The following SYNE1 variants were observed in gnomAD, a reference collection of about 807,000 sequenced individuals.
SYNE1 encodes the protein nesprin-1.
A neutral mutation model predicts 1,111.0 loss-of-function variants in SYNE1; 616 were observed. That is an observed-to-expected ratio of 0.55 (90% CI 0.52 to 0.59). The LOEUF is 0.59. SYNE1 is among the 20% of genes least tolerant of loss of function. SYNE1 has a pLI of 0.00. For missense variants in SYNE1, 10,006 were observed against 10,417.0 expected (o/e 0.96, Z 1.72); for synonymous variants, 3,855 against 3,825.8 (o/e 1.01, Z -0.28).
chr6:152,499,481 C>T (rs2154320464), intron 10 of SYNE1, among the ~76,000 whole-genome samples: 1 of 151,890 alleles, frequency 6.6e-6, no homozygotes, highest in Non-Finnish European at 1.5e-5. Flanking sequence ...CAAATACACA[C>T]AAAAATGAAA....
intron 127 of SYNE1, among the ~76,000 whole-genome samples, chr6:152,201,225 T>C (rs2075342983): frequency 6.6e-6 from 1 of 152,192 alleles, no homozygotes; most frequent in Admixed American, 6.5e-5. Flanking sequence ...AGCCACTGAA[T>C]TGTGTTGGTC....
intron 131 of SYNE1, among the ~76,000 whole-genome samples, chr6:152,157,448 A>T (rs1221714839): frequency 6.6e-6 from 1 of 152,192 alleles, no homozygotes; most frequent in Non-Finnish European, 1.5e-5. Context: ...CAATGAAGTG[A>T]GGTGTCAATA....
chr6:152,353,664 G>T lies in SYNE1; in HGVS notation c.11007C>A (p.Ser3669Arg), dbSNP rs761457824. The T allele has an allele frequency of 4.3e-6, 7 of 1,614,030 alleles. No homozygotes were observed. The African/African-American group carries it at 8.0e-5, about 18-fold the overall frequency. ...GGCAACCCATTCTGCTGTTCACGTG[G>T]CTCTCGTCCAGTATCTCCTGAGCTC... ...GARAQEILDE[S>R]HVNSRMGCQA... The change falls in exon 68 of 146, where the codon AGC becomes AGA. Residue 3669 changes from serine (S) to arginine (R), a missense_variant. Coordinates refer to ENST00000367255, the MANE Select transcript of SYNE1 (RefSeq NM_182961.4).
intron 74 of SYNE1, 77 bp downstream of exon 74, chr6:152,344,001 ACAT>A: frequency 6.3e-7 from 1 of 1,590,280 alleles, no homozygotes; most frequent in East Asian, 2.2e-5. Context: ...ACAGTTTGGC[ACAT>A]CATAGGTACT....
At chr6:152,478,882 C>G (rs1206287578) in intron 14 of SYNE1, among the ~76,000 whole-genome samples, 5 of 152,082 alleles carry the variant, frequency 3.3e-5, no homozygotes, top group Non-Finnish European at 5.9e-5. Flanking sequence ...CTGGCTTTCA[C>G]CGGCATTGTG....
intron 3 of SYNE1, among the ~76,000 whole-genome samples, chr6:152,559,646 A>G (rs534540705): frequency 6.6e-6 from 1 of 152,324 alleles, no homozygotes; most frequent in Non-Finnish European, 1.5e-5. Flanking sequence ...TTCTAAGAGG[A>G]TGGTTTATAG....
intron 128 of SYNE1, among the ~76,000 whole-genome samples, chr6:152,180,575 T>G: frequency 6.9e-6 from 1 of 144,140 alleles, no homozygotes; most frequent in African/African-American, 2.6e-5. Context: ...CCAGTGAATG[T>G]AAAAAAGAAA....
At chr6:152,627,741 C>T (rs556469884) in intron 3 of SYNE1, among the ~76,000 whole-genome samples, 31 of 152,238 alleles carry the variant, frequency 2.0e-4, no homozygotes, top group African/African-American at 7.0e-4. Context: ...CTAGTCTGTA[C>T]CCTGCCACGA....
At chr6:152,376,615 T>C in intron 57 of SYNE1, 57 bp from the exon 58 acceptor site, 1 of 1,599,708 alleles carries the variant, frequency 6.3e-7, no homozygotes, top group Non-Finnish European at 8.5e-7. Flanking sequence ...TTGATGAAAA[T>C]CATGTTTGAT....
At chr6:152,484,323 T>A (rs760388757) in intron 13 of SYNE1, among the ~76,000 whole-genome samples, 3 of 152,170 alleles carry the variant, frequency 2.0e-5, no homozygotes, top group South Asian at 2.1e-4. Context: ...GCATGAAGAA[T>A]ATGAATATGA....
chr6:152,317,682 A>C (rs1315293697), intron 86 of SYNE1, among the ~76,000 whole-genome samples: 1 of 152,224 alleles, frequency 6.6e-6, no homozygotes, highest in Non-Finnish European at 1.5e-5. Flanking sequence ...AACAATTATT[A>C]CAGACGTGCA....
intron 10 of SYNE1, among the ~76,000 whole-genome samples, chr6:152,501,591 T>G (rs1308270384): frequency 6.6e-6 from 1 of 151,984 alleles, no homozygotes; most frequent in Admixed American, 6.6e-5. Context: ...AAACAATAGC[T>G]GGGCATGGTG....
In SYNE1 at chr6:152,323,378, G is replaced by C. The variant is rs1028673396; in HGVS notation, c.15917+100C>G. 13 of 1,541,444 alleles carry C rather than the reference G, an allele frequency of 8.4e-6. No homozygotes were observed. The African/African-American group carries it at 1.8e-4, about 21-fold the overall frequency. On this transcript the variant is annotated intron_variant, in intron 82 of 145. Coordinates refer to ENST00000367255, the MANE Select transcript of SYNE1 (RefSeq NM_182961.4). ...GGCGTGAACCCGGGAGGCGGAGCTT[G>C]CAGTGAGCCGAGATCACACATTTGC...
At chr6:152,467,886 T>C (rs761532408) in intron 16 of SYNE1, among the ~76,000 whole-genome samples, 1 of 152,160 alleles carries the variant, frequency 6.6e-6, no homozygotes, top group Non-Finnish European at 1.5e-5. Context: ...ATGGATTATT[T>C]TATCTATTGA....
intron 44 of SYNE1, among the ~76,000 whole-genome samples, chr6:152,408,740 G>T (rs2097948622): frequency 6.6e-6 from 1 of 152,156 alleles, no homozygotes. Flanking sequence ...GATCTCCTGA[G>T]ATCAGGAGTT....
chr6:152,427,659 T>C, intron 38 of SYNE1, 34 bp downstream of exon 38: 1 of 1,613,424 alleles, frequency 6.2e-7, no homozygotes, highest in South Asian at 1.1e-5. Context: ...AAAAGCATTT[T>C]ATTTTTTCCT....
chr6:152,352,860 T>C (rs184711811), intron 69 of SYNE1, among the ~76,000 whole-genome samples: 1 of 152,342 alleles, frequency 6.6e-6, no homozygotes, highest in East Asian at 1.9e-4. Flanking sequence ...AAAGTCTTGA[T>C]CAATATATCA....
chr6:152,396,881 T>C lies in SYNE1; in HGVS notation c.7450A>G (p.Ser2484Gly). 1 of 1,614,242 alleles carries C rather than the reference T, an allele frequency of 6.2e-7. No homozygotes were observed. The highest frequency in any genetic ancestry group is 8.5e-7 in the Non-Finnish European group (1 of 1,180,032). The change falls in exon 50 of 146, where the codon AGC becomes GGC. Residue 2484 changes from serine to glycine, a missense_variant. Around this residue, in one of 7 missense-constraint regions of SYNE1, gnomAD observed 4,955 missense variants for 5,017.2 expected, o/e 0.99. Transcript: ENST00000367255. ...GCCTTTGTGATTTGTTCTTGAATGC[T>C]ACTGACAATTTGTTTAGACAAATGT... ...YAHLSKQIVS[S>G]IQEQITKANE...
Position 152,321,230 on chromosome 6 carries a change from A to T in SYNE1, c.16236+8T>A, listed in dbSNP as rs2095863239. 6.2e-7 allele frequency: 1 copy of T among 1,613,428 alleles called. No individual in the cohort carries two copies. Among genetic ancestry groups the T allele is most frequent in the Non-Finnish European group, 8.5e-7 (1 of 1,179,772 alleles). On this transcript the variant is annotated splice_region_variant and intron_variant, in intron 84 of 145. Transcript: ENST00000367255. Reference sequence around the variant, plus strand: ...TGGAAAGACACTCTTTCTTGATCATAGGTTTACCTGATCTCGGATCTTTAG... The same window carrying T: ...TGGAAAGACACTCTTTCTTGATCATTGGTTTACCTGATCTCGGATCTTTAG...
Sources: gnomAD v4.1 joint callset for allele counts (sites outside exome capture counted in the v4.1 genomes callset) on GRCh38, gnomAD v4.1.1 for gene constraint, gnomAD v4.1.1 regional missense constraint, MANE v1.5 for transcripts, NCBI Gene and HGNC (gene_info 2026-07-23, HGNC 2026-07-21) for gene names.